ANKRD36C: variants seen among roughly 807,000 people sequenced by gnomAD.
ANKRD36C encodes ankyrin repeat domain 36C, also known as ankyrin repeat domain-containing protein 36C.
In ANKRD36C, 61 loss-of-function variants were observed where a neutral mutation model predicts 276.4. That is an observed-to-expected ratio of 0.22 (90% CI 0.18 to 0.27). The LOEUF is 0.27. Ranked by LOEUF, ANKRD36C falls within the 10% of genes least tolerant of loss-of-function variation. The probability of loss-of-function intolerance (pLI) is 1.00; values close to 1 mark genes in which losing one functional copy is unlikely to be tolerated. For missense variants in ANKRD36C, 1,447 were observed against 2,032.3 expected (o/e 0.71, Z 5.54); for synonymous variants, 483 against 680.1 (o/e 0.71, Z 4.51).
chr2:95,919,395 C>T (rs900062170), intron 34 of ANKRD36C, among the ~76,000 whole-genome samples: 1 of 133,072 alleles, frequency 7.5e-6, no homozygotes, highest in Non-Finnish European at 1.7e-5. Context: ...TCTGTACTTC[C>T]TCTCTTTCTC....
At chr2:95,913,546 T>C (rs1676997023) in intron 40 of ANKRD36C, among the ~76,000 whole-genome samples, 1 of 151,400 alleles carries the variant, frequency 6.6e-6, no homozygotes, top group Non-Finnish European at 1.5e-5. Context: ...AAATATTTGT[T>C]ATGAAAATAT....
chr2:95,891,051 GT>G (rs1676339498), intron 46 of ANKRD36C, among the ~76,000 whole-genome samples: 1 of 151,372 alleles, frequency 6.6e-6, no homozygotes, highest in Non-Finnish European at 1.5e-5. Flanking sequence ...TTATACCATT[GT>G]TTCCTGCTTC....
At chr2:95,985,438 TTTA>T (rs1319375854) in intron 3 of ANKRD36C, among the ~76,000 whole-genome samples, 1 of 152,170 alleles carries the variant, frequency 6.6e-6, no homozygotes, top group Non-Finnish European at 1.5e-5. Flanking sequence ...CAAGAAATGT[TTTA>T]TTGTTGTTGT....
At chr2:95,870,287 C>G (rs1483409730) in intron 59 of ANKRD36C, among the ~76,000 whole-genome samples, 1 of 152,156 alleles carries the variant, frequency 6.6e-6, no homozygotes. Context: ...ACTGACACCT[C>G]ACACAGCCGG....
intron 26 of ANKRD36C, among the ~76,000 whole-genome samples, chr2:95,927,645 C>G (rs569130694): frequency 6.6e-6 from 1 of 151,654 alleles, no homozygotes; most frequent in Non-Finnish European, 1.5e-5. Flanking sequence ...CGTGATATGT[C>G]TAAAACTAAA....
intron 42 of ANKRD36C, among the ~76,000 whole-genome samples, chr2:95,904,209 CAAATGCATCTG>C: frequency 1.0e-5 from 1 of 96,420 alleles, no homozygotes; most frequent in South Asian, 4.0e-4. Context: ...TAAAATATTC[CAAATGCATCTG>C]AAGTGAGTTC....
chr2:95,890,043 G>A, intron 46 of ANKRD36C, 49 bp from the exon 67 acceptor site: 2 of 1,582,452 alleles, frequency 1.3e-6, no homozygotes, highest in East Asian at 2.2e-5. Flanking sequence ...ATATGATAAA[G>A]TTATTCATAC....
At chr2:95,915,211 A>T (rs1677056673) in intron 38 of ANKRD36C, among the ~76,000 whole-genome samples, 1 of 151,604 alleles carries the variant, frequency 6.6e-6, no homozygotes, top group Non-Finnish European at 1.5e-5. Flanking sequence ...CAGCTATTTT[A>T]TCCAAGAGGT....
intron 5 of ANKRD36C, among the ~76,000 whole-genome samples, chr2:95,979,843 C>A (rs1056130802): frequency 2.6e-5 from 4 of 151,980 alleles, no homozygotes; most frequent in African/African-American, 9.7e-5. Flanking sequence ...GTGGGCTTTA[C>A]ATCAGGTTTT....
chr2:95,903,035 A>G lies in ANKRD36C; in HGVS notation c.2654-3699T>C. 1 of 1,570,680 alleles carries G rather than the reference A, an allele frequency of 6.4e-7. No individual in the cohort carries two copies. The highest frequency in any genetic ancestry group is 1.8e-5 in the Admixed American group (1 of 54,682). On this transcript the variant is annotated intron_variant, in intron 42 of 66. Coordinates refer to ENST00000456556, the Ensembl canonical transcript of ANKRD36C. ...CTATACATTTACTAGTTCACAATATAAATGACAGTTTCATTACCTTCAAGC... is the reference window on the plus strand; with the variant it reads ...CTATACATTTACTAGTTCACAATATGAATGACAGTTTCATTACCTTCAAGC...
At chr2:95,908,972 T>C (rs916901919) in intron 42 of ANKRD36C, among the ~76,000 whole-genome samples, 7 of 151,114 alleles carry the variant, frequency 4.6e-5, no homozygotes, top group African/African-American at 1.7e-4. Flanking sequence ...AACGTGGATA[T>C]GCCGAGTGAT....
chr2:95,869,575 C>T lies in ANKRD36C; in HGVS notation c.3541-1994G>A, dbSNP rs183422349. On this transcript the variant is annotated intron_variant, in intron 59 of 66. Coordinates refer to ENST00000456556, the Ensembl canonical transcript of ANKRD36C. ...AACAGCTCCAGTCTACAGCTCCCAG[C>T]GTGAGCGACGCAGAAGATGGGTGGT... 1.8e-3 allele frequency among the ~76,000 whole-genome samples: 273 copies of T among 152,338 alleles called. 1 individual carries two copies. Among genetic ancestry groups the T allele is most frequent in the Middle Eastern group, 6.8e-3 (2 of 294 alleles).
At chr2:95,943,274 G>C (rs992279934) in intron 19 of ANKRD36C, among the ~76,000 whole-genome samples, 1 of 152,294 alleles carries the variant, frequency 6.6e-6, no homozygotes, top group Non-Finnish European at 1.5e-5. Context: ...ACGAGGTCAG[G>C]AGATCGAGAC....
At chr2:95,878,508 C>A (rs191939783) in intron 58 of ANKRD36C, among the ~76,000 whole-genome samples, 71 of 152,288 alleles carry the variant, frequency 4.7e-4, no homozygotes, top group African/African-American at 1.3e-3. Flanking sequence ...ATCAACACTT[C>A]TATATAACTC....
rs773859912 is a variant in ANKRD36C at position 95,893,625 on chromosome 2, A to G, written c.2756-1765T>C. 24 of 1,588,500 alleles carry G rather than the reference A, an allele frequency of 1.5e-5. No individual in the cohort carries two copies. In the African/African-American group the frequency reaches 2.7e-4, roughly 18 times the overall value. On this transcript the variant is annotated intron_variant, in intron 44 of 66. Coordinates refer to ENST00000456556, the Ensembl canonical transcript of ANKRD36C. ...TGTAGCCTGAATGGAATTTGAAATGAAATAATAAATAAAATATGTTTCATA... is the reference window on the plus strand; with the variant it reads ...TGTAGCCTGAATGGAATTTGAAATGGAATAATAAATAAAATATGTTTCATA...
chr2:95,889,765 A>C (rs1190372452), intron 48 of ANKRD36C, 34 bp downstream of exon 68: 2 of 1,556,294 alleles, frequency 1.3e-6, no homozygotes, highest in African/African-American at 2.7e-5. Context: ...TCTATCTTGA[A>C]CGAACATCCT....
intron 8 of ANKRD36C, among the ~76,000 whole-genome samples, chr2:95,962,069 A>T (rs1453247342): frequency 6.6e-6 from 1 of 152,046 alleles, no homozygotes; most frequent in Non-Finnish European, 1.5e-5. Context: ...AACATGCTGT[A>T]GAATTAAAGT....
chr2:95,902,597 G>T (rs1236328245), intron 42 of ANKRD36C, among the ~76,000 whole-genome samples: 1 of 150,014 alleles, frequency 6.7e-6, no homozygotes, highest in Non-Finnish European at 1.5e-5. Context: ...AAAACAAGCT[G>T]GAGAATTAAA....
At chr2:95,878,620 T>G (rs1246505234) in intron 58 of ANKRD36C, among the ~76,000 whole-genome samples, 1 of 152,210 alleles carries the variant, frequency 6.6e-6, no homozygotes. Context: ...TTCCTTTCCC[T>G]CTGGCTAGAA....
Sources: allele counts gnomAD v4.1 joint callset (sites outside exome capture counted in the v4.1 genomes callset), GRCh38; gene constraint gnomAD v4.1.1; transcripts MANE v1.5; gene names NCBI Gene and HGNC (gene_info 2026-07-23, HGNC 2026-07-21).